TRIO: variants seen among roughly 807,000 people sequenced by gnomAD.
TRIO encodes trio Rho guanine nucleotide exchange factor.
Under a neutral mutation model 351.9 loss-of-function variants are expected in TRIO, and 58 were observed. The observed-to-expected ratio is 0.16, with a 90% confidence interval of 0.13 to 0.21. The LOEUF (loss-of-function observed/expected upper bound fraction) is 0.21. Ranked by LOEUF, TRIO falls within the 10% of genes least tolerant of loss-of-function variation. TRIO has a pLI of 1.00. For missense variants in TRIO, 3,201 were observed against 4,027.8 expected, an observed-to-expected ratio of 0.79 and a Z score of 5.56; for synonymous variants, 1,758 against 1,595.7, an observed-to-expected ratio of 1.10 and a Z score of -2.42.
chr5:14,331,019 T>C, intron 10 of TRIO, 119 bp downstream of exon 10: 1 of 1,444,650 alleles, frequency 6.9e-7, no homozygotes. Context: ...ACACCTCAGA[T>C]GAGGTAAAGG....
In TRIO at chr5:14,170,631, C is replaced by G. The variant is rs548846593; in HGVS notation, c.157+26749C>G. Among the ~76,000 whole-genome samples the G allele has an allele frequency of 3.0e-3, 458 of 151,918 alleles. 5 individuals are homozygous for G. Among genetic ancestry groups the G allele is most frequent in the South Asian group, 0.014 (68 of 4,798 alleles). On this transcript the variant is annotated intron_variant, in intron 1 of 56. Transcript: ENST00000344204. ...AGGTGATTCTCCTGCCTCAGCCTCC[C>G]GAGTAGCTGGGATTACAGGCGTGCT...
At chr5:14,216,478 A>G (rs1414431220) in intron 1 of TRIO, among the ~76,000 whole-genome samples, 1 of 152,084 alleles carries the variant, frequency 6.6e-6, no homozygotes, top group Non-Finnish European at 1.5e-5. Flanking sequence ...GGATTGTTGG[A>G]GTTGGTGTTG....
rs145936712 is a variant in TRIO, at chr5:14,430,112, G to A, written c.5203+10091G>A. Among the ~76,000 whole-genome samples the A allele has an allele frequency of 1.8e-3, 274 of 150,578 alleles. 5 individuals are homozygous for A. The East Asian group carries it at 0.035, about 19-fold the overall frequency. On this transcript the variant is annotated intron_variant, in intron 34 of 56. Coordinates refer to ENST00000344204, the MANE Select transcript of TRIO (RefSeq NM_007118.4). ...GTGTCTGGAAGATAGAATTCTAGGC[G>A]TAGAATTGATAGGTTAAATGTATTT...
At chr5:14,240,082 C>G (rs1278948246) in intron 1 of TRIO, among the ~76,000 whole-genome samples, 2 of 152,168 alleles carry the variant, frequency 1.3e-5, no homozygotes, top group Non-Finnish European at 2.9e-5. Flanking sequence ...TCCTTTGCAA[C>G]CTCAGTTTCT....
At chr5:14,389,923 C>A (rs1420134173) in intron 25 of TRIO, among the ~76,000 whole-genome samples, 1 of 152,210 alleles carries the variant, frequency 6.6e-6, no homozygotes, top group African/African-American at 2.4e-5. Flanking sequence ...CTGGGGTCAG[C>A]AAGAGCGCAG....
At chr5:14,160,889 G>A in intron 1 of TRIO, among the ~76,000 whole-genome samples, 1 of 152,100 alleles carries the variant, frequency 6.6e-6, no homozygotes, top group East Asian at 1.9e-4. Context: ...TGTAACCAAG[G>A]CCACATGTGA....
At chr5:14,398,422 G>C (rs35373258) in intron 29 of TRIO, among the ~76,000 whole-genome samples, 15,719 of 152,178 alleles carry the variant, frequency 0.1, 1,310 homozygotes, top group African/African-American at 0.23. Context: ...CTGGACCTGA[G>C]CAGAGTGTCT....
intron 1 of TRIO, among the ~76,000 whole-genome samples, chr5:14,222,989 A>T (rs912598625): frequency 2.6e-5 from 4 of 152,168 alleles, no homozygotes; most frequent in African/African-American, 9.7e-5. Context: ...GTTGAAAATG[A>T]TAGTGTTGGA....
chr5:14,329,495 A>G (rs1740708407), intron 9 of TRIO, among the ~76,000 whole-genome samples: 1 of 152,194 alleles, frequency 6.6e-6, no homozygotes, highest in African/African-American at 2.4e-5. Flanking sequence ...TTCACCAGTC[A>G]CTGAGTCTCC....
At chr5:14,144,152 G>A (rs994132386) in intron 1 of TRIO, among the ~76,000 whole-genome samples, 1 of 152,278 alleles carries the variant, frequency 6.6e-6, no homozygotes, top group East Asian at 1.9e-4. Context: ...TCGTTTTAGG[G>A]CAGAATCCCC....
intron 1 of TRIO, among the ~76,000 whole-genome samples, chr5:14,161,921 G>A (rs1445597974): frequency 6.6e-6 from 1 of 152,114 alleles, no homozygotes; most frequent in Non-Finnish European, 1.5e-5. Context: ...GTCTTGCCAT[G>A]GAGGCCAGGC....
At chr5:14,459,492 C>T (rs1475059605) in intron 34 of TRIO, among the ~76,000 whole-genome samples, 4 of 152,238 alleles carry the variant, frequency 2.6e-5, no homozygotes, top group South Asian at 2.1e-4. Flanking sequence ...GCAGCTTTCA[C>T]GCTCACTGGT....
At chr5:14,177,858 C>T (rs1020256702) in intron 1 of TRIO, among the ~76,000 whole-genome samples, 1 of 152,174 alleles carries the variant, frequency 6.6e-6, no homozygotes, top group Non-Finnish European at 1.5e-5. Context: ...TTTTCACAGG[C>T]CCATTATTAA....
At chr5:14,421,336 A>T (rs1750137851) in intron 34 of TRIO, among the ~76,000 whole-genome samples, 1 of 148,724 alleles carries the variant, frequency 6.7e-6, no homozygotes, top group Non-Finnish European at 1.5e-5. Flanking sequence ...AGGCACGGTG[A>T]CTCACGCCTC....
intron 1 of TRIO, among the ~76,000 whole-genome samples, chr5:14,207,205 G>C (rs1436547687): frequency 6.6e-6 from 1 of 151,686 alleles, no homozygotes; most frequent in Non-Finnish European, 1.5e-5. Flanking sequence ...TGAGGTGGGA[G>C]GTTGGCTTGA....
In TRIO at chr5:14,282,134, T is replaced by C. The variant is rs559322281; in HGVS notation, c.347+1698T>C. On this transcript the variant is annotated intron_variant, in intron 3 of 56. Transcript: ENST00000344204. ...TCAGTGACTAAGTGAGCCCTACTTA[T>C]CTGGAGTAAGTTTTCCCTTTCTTCT... Among the ~76,000 whole-genome samples, 12 of 152,352 alleles carry C rather than the reference T, an allele frequency of 7.9e-5. No homozygotes were observed. In the South Asian group the frequency reaches 1.0e-3, roughly 13 times the overall value.
intron 38 of TRIO, among the ~76,000 whole-genome samples, chr5:14,471,948 C>T (rs1000943164): frequency 2.0e-5 from 3 of 151,742 alleles, no homozygotes; most frequent in African/African-American, 7.3e-5. Flanking sequence ...TACGAAACGG[C>T]AGAGACTGGG....
chr5:14,414,328 A>C (rs1161951480), intron 33 of TRIO, among the ~76,000 whole-genome samples: 1 of 152,252 alleles, frequency 6.6e-6, no homozygotes, highest in African/African-American at 2.4e-5. Flanking sequence ...CTTGAAGCCT[A>C]ATGCGAGGGA....
intron 9 of TRIO, among the ~76,000 whole-genome samples, chr5:14,328,223 A>G (rs979317500): frequency 6.6e-6 from 1 of 152,382 alleles, no homozygotes; most frequent in Admixed American, 6.5e-5. Context: ...AGTTAAAGTA[A>G]TGTGCACTCA....
Sources: allele counts gnomAD v4.1 joint callset (sites outside exome capture counted in the v4.1 genomes callset), GRCh38; gene constraint gnomAD v4.1.1; transcripts MANE v1.5; gene names NCBI Gene and HGNC (gene_info 2026-07-23, HGNC 2026-07-21).